ZIK1: variants seen among roughly 807,000 people sequenced by gnomAD.
ZIK1 encodes zinc finger protein interacting with ribonucleoprotein K.
A neutral mutation model predicts 10.7 loss-of-function variants in ZIK1; 12 were observed. The observed-to-expected ratio is 1.12, with a 90% CI of 0.72 to 1.81. The LOEUF (loss-of-function observed/expected upper bound fraction) is 1.81, where lower values mean the gene tolerates loss of function less well. ZIK1 is among the 40% of genes most tolerant of loss of function. The probability of loss-of-function intolerance (pLI) is 0.00; values close to 1 mark genes in which losing one functional copy is unlikely to be tolerated. For synonymous variants in ZIK1, 190 were observed against 205.0 expected, an observed-to-expected ratio of 0.93 and a Z score of 0.63; for missense variants, 497 against 585.7, an observed-to-expected ratio of 0.85 and a Z score of 1.56.
At position 57,590,186 on chromosome 19, in the gene ZIK1, G is replaced by C; in HGVS notation, c.375G>C (p.Leu125Phe). 6.2e-7 allele frequency: 1 copy of C among 1,614,204 alleles called. No homozygotes were observed. The highest frequency in any genetic ancestry group is 8.5e-7 in the Non-Finnish European group (1 of 1,180,050). The change falls in exon 4 of 4, where the codon TTG becomes TTC. Residue 125 changes from leucine (L) to phenylalanine (F), a missense_variant. By Grantham distance (22) the Leu-to-Phe change is conservative (BLOSUM62 0). Transcript: ENST00000597850. ...ATCTCCCTGGGCAGAAACCATACTT[G>C]GTTGGAGAATGTACAAACCATCACC... is the stretch of plus-strand genomic sequence containing the variant. ...LADLPGQKPY[L>F]VGECTNHHQH...
rs762682816 is a variant in ZIK1 at position 57,592,863 on chromosome 19, C to T, written c.*1588C>T. On this transcript the variant is annotated 3_prime_UTR_variant, in exon 4 of 4. Transcript: ENST00000597850. ...AGTTTGTCATACAAGCCTGTGAAAC[C>T]ATAATCATGATCATGAACATATTCA... 4.6e-5 allele frequency: 7 copies of T among 152,160 alleles called. No individual in the cohort carries two copies. The highest frequency in any genetic ancestry group is 1.0e-4 in the Non-Finnish European group (7 of 68,034). 9.4% of individuals were successfully genotyped at this position (152,160 alleles called of 1,614,324 possible).
In ZIK1 at chr19:57,585,109, G is replaced by A; in HGVS notation, c.72+119G>A. On this transcript the variant is annotated intron_variant, in intron 2 of 3. Transcript: ENST00000597850. ...AGGACTCTTCACAAACTGGAAGCTTGACATCCTGATTCTAGACTGGTGGTT... is the reference window on the plus strand; with the variant it reads ...AGGACTCTTCACAAACTGGAAGCTTAACATCCTGATTCTAGACTGGTGGTT... 3.4e-6 allele frequency: 3 copies of A among 885,348 alleles called. No homozygotes were observed. The African/African-American group carries it at 5.1e-5, about 15-fold the overall frequency. 54.8% of individuals were successfully genotyped at this position (885,348 alleles called of 1,614,324 possible). A position where few individuals can be genotyped will look rare whatever the true frequency, so the allele number is the denominator to read the frequency against.
At chr19:57,589,407 C>T in intron 3 of ZIK1, 1 of 985,378 alleles carries the variant, frequency 1.0e-6, no homozygotes, top group Non-Finnish European at 1.2e-6. Flanking sequence ...ATATTTTCTT[C>T]TCAGTACTTG....
Position 57,588,605 on chromosome 19 carries a change from G to T in ZIK1, c.139G>T (p.Ala47Ser). The T allele has an allele frequency of 6.3e-7, 1 of 1,589,818 alleles. No individual in the cohort carries two copies. ...GGACGAGTGGGGACTTCTTGATGAG[G>T]CTCAGAGACTCCTGTACCTTGAAGT... is the stretch of plus-strand genomic sequence containing the variant. ...SQDEWGLLDEAQRLLYLEVML... is the reference protein window; with the variant it reads ...SQDEWGLLDESQRLLYLEVML... The change falls in exon 3 of 4, where the codon GCT becomes TCT. Residue 47 changes from alanine (A) to serine (S), a missense_variant. Ala to Ser is a moderately conservative substitution (Grantham distance 99). Coordinates refer to ENST00000597850, the MANE Select transcript of ZIK1 (RefSeq NM_001010879.4).
At chr19:57,589,640 GCA>G in intron 3 of ZIK1, 1 of 985,396 alleles carries the variant, frequency 1.0e-6, no homozygotes, top group South Asian at 4.7e-5. Context: ...CTGGGCTTGG[GCA>G]CAGTCAACCT....
rs753619429 is a variant in ZIK1 at position 57,588,547 on chromosome 19, G to T, written c.81G>T (p.Val27=). 1 of 1,526,646 alleles carries T rather than the reference G, an allele frequency of 6.6e-7. No homozygotes were observed. The highest frequency in any genetic ancestry group is 1.3e-5 in the South Asian group (1 of 76,892). 94.6% of individuals were successfully genotyped at this position (1,526,646 alleles called of 1,614,324 possible). Residue 27 remains valine, a synonymous_variant, in exon 3 of 4, where the codon GTG becomes GTT. Transcript: ENST00000597850. ...ETHMDLTKGC[V]TFEDIAIYFS... ...TGTCCCCATCATGACAGGGCTGTGT[G>T]ACCTTTGAGGACATCGCCATTTACT... is the stretch of plus-strand genomic sequence containing the variant.
intron 3 of ZIK1, chr19:57,589,200 A>AC (rs1265163402): frequency 2.1e-6 from 2 of 944,766 alleles, no homozygotes; most frequent in Admixed American, 6.2e-5. Context: ...TGAAGGTCCC[A>AC]CATAGCTAGA....
At position 57,590,990 on chromosome 19, in the gene ZIK1, C is replaced by G. The variant is rs1979646032; in HGVS notation, c.1179C>G (p.Thr393=). 1 of 1,611,746 alleles carries G rather than the reference C, an allele frequency of 6.2e-7. No homozygotes were observed. Among genetic ancestry groups the G allele is most frequent in the Non-Finnish European group, 8.5e-7 (1 of 1,179,292 alleles). ...GGAAATCCTTTAGTCAAAAAGCTAC[C>G]CTCATTAAACACCAGAGAGTTCACA... ...QCGKSFSQKA[T]LIKHQRVHTG... The change falls in exon 4 of 4, where the codon ACC becomes ACG. Residue 393 remains threonine, a synonymous_variant. Transcript: ENST00000597850.
intron 2 of ZIK1, among the ~76,000 whole-genome samples, chr19:57,585,451 C>T (rs907728124): frequency 2.6e-5 from 4 of 152,114 alleles, no homozygotes; most frequent in Admixed American, 6.5e-5. Flanking sequence ...GTGATGGAGG[C>T]GATAGAAAGA....
intron 1 of ZIK1, chr19:57,584,673 C>T (rs886830058): frequency 8.1e-6 from 11 of 1,357,292 alleles, no homozygotes; most frequent in African/African-American, 3.0e-5. Context: ...TGTACAGAAG[C>T]GGCATATGGT....
In ZIK1 at chr19:57,593,840, A is replaced by G. The variant is rs946006176; in HGVS notation, c.*2565A>G. 2.0e-5 allele frequency: 3 copies of G among 150,966 alleles called. No individual in the cohort carries two copies. Among genetic ancestry groups the G allele is most frequent in the Non-Finnish European group, 2.9e-5 (2 of 67,890 alleles). 9.4% of individuals were successfully genotyped at this position (150,966 alleles called of 1,614,324 possible). A position where few individuals can be genotyped will look rare whatever the true frequency, so the allele number is the denominator to read the frequency against. ...TTATTAATGTCTTTTGCTTATTTTTAAATGGATGTTGGTGATACTTTTTCA... is the reference window on the plus strand; with the variant it reads ...TTATTAATGTCTTTTGCTTATTTTTGAATGGATGTTGGTGATACTTTTTCA... On this transcript the variant is annotated 3_prime_UTR_variant, in exon 4 of 4. Coordinates refer to ENST00000597850, the MANE Select transcript of ZIK1 (RefSeq NM_001010879.4).
chr19:57,584,547 C>G lies in ZIK1; in HGVS notation c.33+158C>G, dbSNP rs1013046885. On this transcript the variant is annotated intron_variant, in intron 1 of 3. Coordinates refer to ENST00000597850, the MANE Select transcript of ZIK1 (RefSeq NM_001010879.4). ...ATGGGGCACGGAAGAGGGTTACAGGCAAAGGGACCAGCGTTTCTAAACTCT... is the reference window on the plus strand; with the variant it reads ...ATGGGGCACGGAAGAGGGTTACAGGGAAAGGGACCAGCGTTTCTAAACTCT... The G allele has an allele frequency of 6.4e-6, 9 of 1,417,128 alleles. No individual in the cohort carries two copies. The African/African-American group carries it at 1.3e-4, about 21-fold the overall frequency. 87.8% of individuals were successfully genotyped at this position (1,417,128 alleles called of 1,614,324 possible).
chr19:57,591,565 T>G lies in ZIK1; in HGVS notation c.*290T>G, dbSNP rs138040639. ...AGACATCTGTGTGTTCTCTTAAGTC[T>G]TTGGAGGAAATCTTGAGCAGTCTAA... On this transcript the variant is annotated 3_prime_UTR_variant, in exon 4 of 4. Transcript: ENST00000597850. The G allele has an allele frequency of 5.1e-4, 206 of 407,036 alleles. 2 individuals are homozygous for G. The highest frequency in any genetic ancestry group is 2.8e-3 in the African/African-American group (143 of 50,992). 25.2% of individuals were successfully genotyped at this position (407,036 alleles called of 1,614,324 possible). A position where few individuals can be genotyped will look rare whatever the true frequency, so the allele number is the denominator to read the frequency against.
At chr19:57,586,394 C>T (rs1035989171) in intron 2 of ZIK1, among the ~76,000 whole-genome samples, 1 of 152,040 alleles carries the variant, frequency 6.6e-6, no homozygotes, top group Non-Finnish European at 1.5e-5. Flanking sequence ...GAAACTCCGT[C>T]TCCACTAAAA....
In ZIK1 at chr19:57,590,338, T is replaced by C. The variant is rs1387435386; in HGVS notation, c.527T>C (p.Leu176Pro). 1.2e-6 allele frequency: 2 copies of C among 1,614,214 alleles called. No individual in the cohort carries two copies. Among genetic ancestry groups the C allele is most frequent in the East Asian group, 4.5e-5 (2 of 44,886 alleles). The change falls in exon 4 of 4, where the codon CTT becomes CCT. Residue 176 changes from leucine (L) to proline (P), a missense_variant. Coordinates refer to ENST00000597850, the MANE Select transcript of ZIK1 (RefSeq NM_001010879.4). ...CGCAAATGGGAGGTTGGAAAGGACC[T>C]TCCAGCCATGTTGCGGCTTCTGAGG... ...PFRKWEVGKD[L>P]PAMLRLLRSL... is the part of the protein sequence containing the mutation.
Position 57,590,109 on chromosome 19 carries a change from C to T in ZIK1, c.298C>T (p.Gln100Ter). ...SKAGSSTQKTQSCEMCVPVLK... is the reference protein window; with the variant it reads ...SKAGSSTQKT The stretch of plus-strand genomic sequence containing the variant: ...GGCAGGTTCATCCACACAGAAGACT[C>T]AATCCTGTGAGATGTGTGTCCCAGT... The change falls in exon 4 of 4, where the codon CAA (glutamine) becomes TAA (stop). Residue 100 changes from glutamine (Q) to a stop codon, truncating the protein, a stop_gained. Transcript: ENST00000597850. LOFTEE classifies it low-confidence loss of function (END_TRUNC). The T allele has an allele frequency of 6.2e-7, 1 of 1,614,212 alleles. No homozygotes were observed. The highest frequency in any genetic ancestry group is 8.5e-7 in the Non-Finnish European group (1 of 1,180,030).
In ZIK1 at chr19:57,591,185, T is replaced by G; in HGVS notation, c.1374T>G (p.Thr458=). The change falls in exon 4 of 4, where the codon ACT becomes ACG. Residue 458 remains threonine, a synonymous_variant. Transcript: ENST00000597850. The part of the protein sequence containing the change: ...SGLIQHQVVH[T]GERPYECNKC... ...TCATTCAACACCAAGTGGTTCACAC[T>G]GGAGAAAGGCCTTATGAGTGCAACA... is the stretch of plus-strand genomic sequence containing the variant. The G allele has an allele frequency of 6.2e-7, 1 of 1,614,174 alleles. No individual in the cohort carries two copies. The highest frequency in any genetic ancestry group is 8.5e-7 in the Non-Finnish European group (1 of 1,180,026).
Position 57,593,118 on chromosome 19 carries a change from C to T in ZIK1, c.*1843C>T, listed in dbSNP as rs1471109754. 6.6e-6 allele frequency: 1 copy of T among 150,492 alleles called. No homozygotes were observed. The highest frequency in any genetic ancestry group is 1.9e-4 in the East Asian group (1 of 5,146). The allele number at this position is 150,492 out of a possible 1,614,324, so 9.3% of individuals were successfully genotyped here. On this transcript the variant is annotated 3_prime_UTR_variant, in exon 4 of 4. Coordinates refer to ENST00000597850, the MANE Select transcript of ZIK1 (RefSeq NM_001010879.4). The stretch of plus-strand genomic sequence containing the variant: ...GGAGTGCAGTGGCATGATCTTGGCT[C>T]ACTCCAACCTCCTCCTGGGTTCCAG...
chr19:57,591,670 TTGGTTCTGCTGGACACTTA>T lies in ZIK1; in HGVS notation c.*398_*416del, dbSNP rs982940739. 3.9e-4 allele frequency: 70 copies of T among 177,478 alleles called. No homozygotes were observed. Among genetic ancestry groups the T allele is most frequent in the African/African-American group, 1.3e-3 (54 of 42,388 alleles). The allele number at this position is 177,478 out of a possible 1,614,324, so 11.0% of individuals were successfully genotyped here. A position where few individuals can be genotyped will look rare whatever the true frequency, so the allele number is the denominator to read the frequency against. Reference sequence around the variant, plus strand: ...CAGTTTGGGTCAGGAGGGCCCAGCCTTGGTTCTGCTGGACACTTATGTGCAAGGATTCCCTTCATGTAAA... The same window carrying T: ...CAGTTTGGGTCAGGAGGGCCCAGCCTTGTGCAAGGATTCCCTTCATGTAAA... On this transcript the variant is annotated 3_prime_UTR_variant, in exon 4 of 4. Coordinates refer to ENST00000597850, the MANE Select transcript of ZIK1 (RefSeq NM_001010879.4).
Sources: allele counts gnomAD v4.1 joint callset (sites outside exome capture counted in the v4.1 genomes callset), GRCh38; gene constraint gnomAD v4.1.1; transcripts MANE v1.5; gene names NCBI Gene and HGNC (gene_info 2026-07-23, HGNC 2026-07-21).